The following SLC15A1 variants were observed in gnomAD, a reference collection of about 807,000 sequenced individuals.
SLC15A1 encodes solute carrier family 15 member 1.
Under a neutral mutation model 92.9 loss-of-function variants are expected in SLC15A1, and 83 were observed. That is an observed-to-expected ratio of 0.89 (90% CI 0.75 to 1.07). SLC15A1 has a LOEUF of 1.07. SLC15A1 is among the 50% of genes least tolerant of loss of function. The pLI is 0.00. For synonymous variants in SLC15A1, 322 were observed against 318.2 expected, an observed-to-expected ratio of 1.01 and a Z score of -0.13; for missense variants, 857 against 880.1, an observed-to-expected ratio of 0.97 and a Z score of 0.33.
intron 1 of SLC15A1, among the ~76,000 whole-genome samples, chr13:98,727,271 A>T (rs1460465224): frequency 6.6e-6 from 1 of 152,104 alleles, no homozygotes; most frequent in Non-Finnish European, 1.5e-5. Context: ...CACTGTGCAC[A>T]CTCAACCGCC....
intron 8 of SLC15A1, among the ~76,000 whole-genome samples, chr13:98,716,316 C>T (rs1378656926): frequency 6.6e-6 from 1 of 152,146 alleles, no homozygotes; most frequent in Non-Finnish European, 1.5e-5. Flanking sequence ...CATTAAAGTA[C>T]TATTCTACTA....
At chr13:98,703,656 A>C (rs2088088653) in intron 17 of SLC15A1, among the ~76,000 whole-genome samples, 1 of 146,104 alleles carries the variant, frequency 6.8e-6, no homozygotes, top group Admixed American at 7.0e-5. Context: ...TCCTGGGCTC[A>C]AGCAATCCTC....
chr13:98,721,560 G>A lies in SLC15A1; in HGVS notation c.491C>T (p.Ser164Phe). Reference protein sequence around the residue: ...GQEKQRNRFFSIFYLAINAGS... With the variant: ...GQEKQRNRFFFIFYLAINAGS... Reference sequence around the variant, plus strand: ...AGCATTAATAGCCAAGTAAAAGATGGAAAAAAATCTGTTTCTTTGTTTCTC... The same window carrying A: ...AGCATTAATAGCCAAGTAAAAGATGAAAAAAAATCTGTTTCTTTGTTTCTC... The change falls in exon 7 of 23, where the codon TCC becomes TTC. Residue 164 changes from serine (S) to phenylalanine (F), a missense_variant. By Grantham distance (155) the Ser-to-Phe change is radical. Coordinates refer to ENST00000376503, the MANE Select transcript of SLC15A1 (RefSeq NM_005073.4). The A allele has an allele frequency of 1.2e-6, 2 of 1,601,320 alleles. No individual in the cohort carries two copies. Among genetic ancestry groups the A allele is most frequent in the East Asian group, 2.2e-5 (1 of 44,738 alleles).
At chr13:98,735,823 T>C (rs774375097) in intron 1 of SLC15A1, among the ~76,000 whole-genome samples, 3 of 152,150 alleles carry the variant, frequency 2.0e-5, no homozygotes, top group Admixed American at 6.6e-5. Flanking sequence ...CACAAACCAC[T>C]GCTCAATGAA....
chr13:98,691,774 A>T (rs771086304), intron 18 of SLC15A1, among the ~76,000 whole-genome samples: 1 of 152,116 alleles, frequency 6.6e-6, no homozygotes, highest in African/African-American at 2.4e-5. Flanking sequence ...ATAACCTCCA[A>T]TGAAAATGGA....
intron 15 of SLC15A1, among the ~76,000 whole-genome samples, chr13:98,707,764 G>A (rs1337393996): frequency 6.6e-6 from 1 of 151,646 alleles, no homozygotes; most frequent in Non-Finnish European, 1.5e-5. Flanking sequence ...GTGTGGTGGT[G>A]CATGCCTACA....
intron 5 of SLC15A1, among the ~76,000 whole-genome samples, chr13:98,722,275 T>G (rs900197749): frequency 3.3e-5 from 5 of 152,234 alleles, no homozygotes; most frequent in African/African-American, 9.6e-5. Flanking sequence ...CGACTCATAA[T>G]AGTCATTAAG....
intron 2 of SLC15A1, 121 bp downstream of exon 2, chr13:98,726,722 G>A (rs998002903): frequency 3.9e-5 from 40 of 1,027,736 alleles, no homozygotes; most frequent in South Asian, 5.4e-5. Context: ...ATGGAAATCC[G>A]GGATCATACC....
intron 1 of SLC15A1, among the ~76,000 whole-genome samples, chr13:98,727,634 C>T (rs1298355086): frequency 6.6e-6 from 1 of 152,174 alleles, no homozygotes; most frequent in Non-Finnish European, 1.5e-5. Context: ...CGCCTCATCC[C>T]CATCCCGTCA....
rs561474116 is a variant in SLC15A1 at position 98,721,010 on chromosome 13, C to T, written c.556+485G>A. On this transcript the variant is annotated intron_variant, in intron 7 of 22. Coordinates refer to ENST00000376503, the MANE Select transcript of SLC15A1 (RefSeq NM_005073.4). The stretch of plus-strand genomic sequence containing the variant: ...GAGGTTGCAGTGAGCCAAGATCACG[C>T]CACTGCGCTCCAGCGTGGGTGACAG... 781 of 405,016 alleles carry T rather than the reference C, an allele frequency of 1.9e-3. 16 individuals are homozygous for T. Among genetic ancestry groups the T allele is most frequent in the South Asian group, 0.013 (734 of 54,658 alleles). 25.1% of individuals were successfully genotyped at this position (405,016 alleles called of 1,614,324 possible). A position where few individuals can be genotyped will look rare whatever the true frequency, so the allele number is the denominator to read the frequency against.
intron 18 of SLC15A1, among the ~76,000 whole-genome samples, chr13:98,700,380 G>T (rs1800574823): frequency 6.7e-6 from 1 of 150,202 alleles, no homozygotes; most frequent in Non-Finnish European, 1.5e-5. Context: ...AGCTACTTGG[G>T]AGGCTGAGGC....
intron 4 of SLC15A1, among the ~76,000 whole-genome samples, chr13:98,725,552 T>C (rs767621517): frequency 6.6e-5 from 10 of 152,150 alleles, no homozygotes; most frequent in Non-Finnish European, 1.3e-4. Context: ...ATAGACAGTA[T>C]CCCTGCTACT....
At chr13:98,734,122 T>C (rs1455094311) in intron 1 of SLC15A1, among the ~76,000 whole-genome samples, 9 of 152,120 alleles carry the variant, frequency 5.9e-5, no homozygotes, top group African/African-American at 2.2e-4. Context: ...TGTGCCACCA[T>C]GCCTGGCTAA....
intron 18 of SLC15A1, among the ~76,000 whole-genome samples, chr13:98,694,437 T>C (rs2088005831): frequency 6.6e-6 from 1 of 152,232 alleles, no homozygotes; most frequent in African/African-American, 2.4e-5. Context: ...TTTTGCATTA[T>C]TTATGAAGTA....
chr13:98,712,337 A>C (rs553621391), intron 10 of SLC15A1, among the ~76,000 whole-genome samples, 161 bp downstream of exon 10: 1 of 151,568 alleles, frequency 6.6e-6, no homozygotes, highest in Non-Finnish European at 1.5e-5. Context: ...AAGTTCTTTC[A>C]ATTAAAAAAA....
chr13:98,728,853 C>T lies in SLC15A1; in HGVS notation c.5-1994G>A, dbSNP rs376299174. On this transcript the variant is annotated intron_variant, in intron 1 of 22. Coordinates refer to ENST00000376503, the MANE Select transcript of SLC15A1 (RefSeq NM_005073.4). The stretch of plus-strand genomic sequence containing the variant: ...AAAATTAGCTGGGCATGGTGGCACA[C>T]GCCTGTAATCCCAGTTACTTGGGAG... 6.8e-4 allele frequency among the ~76,000 whole-genome samples: 103 copies of T among 151,496 alleles called. 1 individual carries two copies. In the South Asian group the frequency reaches 0.021, roughly 30 times the overall value.
At chr13:98,704,906 T>C (rs1423301024) in intron 16 of SLC15A1, among the ~76,000 whole-genome samples, 1 of 152,030 alleles carries the variant, frequency 6.6e-6, no homozygotes, top group African/African-American at 2.4e-5. Flanking sequence ...TCTCAACATC[T>C]CTGGGGCTAG....
At chr13:98,730,238 A>AGGGGG (rs2088337663) in intron 1 of SLC15A1, among the ~76,000 whole-genome samples, 1 of 15,372 alleles carries the variant, frequency 6.5e-5, no homozygotes, top group African/African-American at 2.5e-4. Context: ...AGGGGAAGGG[A>AGGGGG]AGGGGAAGGG....
At chr13:98,737,152 A>G (rs1431783578) in intron 1 of SLC15A1, among the ~76,000 whole-genome samples, 3 of 152,254 alleles carry the variant, frequency 2.0e-5, no homozygotes, top group Non-Finnish European at 4.4e-5. Flanking sequence ...ACCATGGAAT[A>G]CTATTCAGCC....
Sources: gnomAD v4.1 joint callset for allele counts (sites outside exome capture counted in the v4.1 genomes callset) on GRCh38, gnomAD v4.1.1 for gene constraint, MANE v1.5 for transcripts, NCBI Gene and HGNC (gene_info 2026-07-23, HGNC 2026-07-21) for gene names.